Variants in ELK4 observed in about 807,000 individuals in gnomAD.
ELK4 encodes ETS transcription factor ELK4.
ELK4 carries 16 observed loss-of-function variants against 29.6 expected under a neutral mutation model. That is an observed-to-expected ratio of 0.54 (90% CI 0.37 to 0.82). ELK4 has a LOEUF of 0.82. Ranked by LOEUF, ELK4 falls within the 40% of genes least tolerant of loss-of-function variation. ELK4 has a pLI of 0.00. For missense variants in ELK4, 465 were observed against 507.1 expected (o/e 0.92, Z 0.80); for synonymous variants, 213 against 191.1 (o/e 1.11, Z -0.95).
Position 205,611,418 on chromosome 1 carries a change from C to G in ELK4, c.*5128G>C, listed in dbSNP as rs1575118831. ...AAGATTAAACTTCAACTTCAGTAAG[C>G]AGAGTTCTGATGACATAAGAGGAAT... On this transcript the variant is annotated 3_prime_UTR_variant, in exon 5 of 5. Coordinates refer to ENST00000357992, the MANE Select transcript of ELK4 (RefSeq NM_001973.4). The G allele has an allele frequency of 4.8e-6, 1 of 210,440 alleles. No homozygotes were observed. The highest frequency in any genetic ancestry group is 9.6e-6 in the Non-Finnish European group (1 of 103,694). The allele number at this position is 210,440 out of a possible 1,614,324, so 13.0% of individuals were successfully genotyped here. A position where few individuals can be genotyped will look rare whatever the true frequency, so the allele number is the denominator to read the frequency against.
In ELK4 at chr1:205,623,904, AG is replaced by A; in HGVS notation, c.-9-14del. On this transcript the variant is annotated splice_polypyrimidine_tract_variant and intron_variant, in intron 1 of 4. Coordinates refer to ENST00000357992, the MANE Select transcript of ELK4 (RefSeq NM_001973.4). ...CCATAGCAATGAGCTGAAAGAATAT[AG>A]ATAAGATATGTGATAATATTAACAG... 1 of 1,611,288 alleles carries A rather than the reference AG, an allele frequency of 6.2e-7. No homozygotes were observed. The highest frequency in any genetic ancestry group is 8.5e-7 in the Non-Finnish European group (1 of 1,177,572).
At chr1:205,630,467 C>CA (rs1418235004) in intron 1 of ELK4, among the ~76,000 whole-genome samples, 4 of 152,176 alleles carry the variant, frequency 2.6e-5, no homozygotes, top group Non-Finnish European at 5.9e-5. Context: ...CCCAAAAAAA[C>CA]ACAAAGTCTC....
At chr1:205,624,655 G>C (rs1670417686) in intron 1 of ELK4, among the ~76,000 whole-genome samples, 2 of 152,250 alleles carry the variant, frequency 1.3e-5, no homozygotes, top group African/African-American at 4.8e-5. Flanking sequence ...GTTTAGGCCA[G>C]AGTTTCTCAA....
At chr1:205,628,131 C>A (rs1348268345) in intron 1 of ELK4, among the ~76,000 whole-genome samples, 1 of 152,184 alleles carries the variant, frequency 6.6e-6, no homozygotes, top group African/African-American at 2.4e-5. Context: ...TAACCATGCC[C>A]GCTAGAAATC....
rs1357651501 is a variant in ELK4, at chr1:205,608,830, A to C, written c.*7716T>G. 5.1e-6 allele frequency: 1 copy of C among 196,778 alleles called. No individual in the cohort carries two copies. Among genetic ancestry groups the C allele is most frequent in the African/African-American group, 2.3e-5 (1 of 43,372 alleles). 12.2% of individuals were successfully genotyped at this position (196,778 alleles called of 1,614,324 possible). A position where few individuals can be genotyped will look rare whatever the true frequency, so the allele number is the denominator to read the frequency against. ...CAGTTGAGCTGACAGGTTTGAAGAAAGCACTCTTGACATGTTCTTACTACC... is the reference window on the plus strand; with the variant it reads ...CAGTTGAGCTGACAGGTTTGAAGAACGCACTCTTGACATGTTCTTACTACC... On this transcript the variant is annotated 3_prime_UTR_variant, in exon 5 of 5. Coordinates refer to ENST00000357992, the MANE Select transcript of ELK4 (RefSeq NM_001973.4).
rs1202241274 is a variant in ELK4, at chr1:205,608,019, T to A, written c.*8527A>T. The A allele has an allele frequency of 1.7e-5, 3 of 179,190 alleles. No homozygotes were observed. The highest frequency in any genetic ancestry group is 7.1e-5 in the African/African-American group (3 of 42,360). 11.1% of individuals were successfully genotyped at this position (179,190 alleles called of 1,614,324 possible). A position where few individuals can be genotyped will look rare whatever the true frequency, so the allele number is the denominator to read the frequency against. The stretch of plus-strand genomic sequence containing the variant: ...AGTTGCACATATATCTATTAACATA[T>A]ATGTATACTTTTAGACTTGTAGTAA... On this transcript the variant is annotated 3_prime_UTR_variant, in exon 5 of 5. Coordinates refer to ENST00000357992, the MANE Select transcript of ELK4 (RefSeq NM_001973.4).
Position 205,623,664 on chromosome 1 carries a change from G to C in ELK4, c.207+12C>G. Reference sequence around the variant, plus strand: ...GGTTCTCTGTATAGTATAAGATCAGGATGTGTACTACCTTTACATAATAGT... The same window carrying C: ...GGTTCTCTGTATAGTATAAGATCAGCATGTGTACTACCTTTACATAATAGT... On this transcript the variant is annotated intron_variant, in intron 2 of 4. Transcript: ENST00000357992. The C allele has an allele frequency of 1.9e-6, 3 of 1,613,164 alleles. No individual in the cohort carries two copies. The highest frequency in any genetic ancestry group is 1.3e-5 in the African/African-American group (1 of 74,996).
intron 1 of ELK4, among the ~76,000 whole-genome samples, chr1:205,627,239 G>A (rs1670483700): frequency 6.6e-6 from 1 of 152,252 alleles, no homozygotes; most frequent in African/African-American, 2.4e-5. Context: ...GCAGGGCGCA[G>A]TGGCTCACGC....
At chr1:205,626,641 A>G (rs1453239418) in intron 1 of ELK4, among the ~76,000 whole-genome samples, 1 of 152,228 alleles carries the variant, frequency 6.6e-6, no homozygotes, top group Admixed American at 6.5e-5. Context: ...AAACCACTTC[A>G]TGCCTACTTG....
Position 205,613,789 on chromosome 1 carries a change from T to G in ELK4, c.*2757A>C. On this transcript the variant is annotated 3_prime_UTR_variant, in exon 5 of 5. Transcript: ENST00000357992. ...AGATGTCTCAAAACCCCATTCAATC[T>G]GCTCCCCTTCCGTAACTTAGGCTAC... 5.4e-6 allele frequency: 1 copy of G among 184,884 alleles called. No individual in the cohort carries two copies. The allele number at this position is 184,884 out of a possible 1,614,324, so 11.5% of individuals were successfully genotyped here. A position where few individuals can be genotyped will look rare whatever the true frequency, so the allele number is the denominator to read the frequency against.
rs955420352 is a variant in ELK4 at position 205,620,271 on chromosome 1, G to T, written c.775C>A (p.Pro259Thr). ...FATTPPISSI[P>T]PLQEPPRTPS... Reference sequence around the variant, plus strand: ...GTTCTGGGAGGTTCCTGCAAAGGGGGTATGGACGAAATGGGTGGTGTGGTG... The same window carrying T: ...GTTCTGGGAGGTTCCTGCAAAGGGGTTATGGACGAAATGGGTGGTGTGGTG... The change falls in exon 3 of 5, where the codon CCC becomes ACC. Residue 259 changes from proline to threonine, a missense_variant. This residue lies in a region of ELK4 where 385 missense variants were observed against 387.5 expected (regional missense o/e 0.99). Coordinates refer to ENST00000357992, the MANE Select transcript of ELK4 (RefSeq NM_001973.4). 4 of 1,614,100 alleles carry T rather than the reference G, an allele frequency of 2.5e-6. No homozygotes were observed. The highest frequency in any genetic ancestry group is 3.4e-6 in the Non-Finnish European group (4 of 1,180,048).
intron 1 of ELK4, among the ~76,000 whole-genome samples, chr1:205,628,683 A>G (rs1670511944): frequency 2.0e-5 from 3 of 152,328 alleles, no homozygotes; most frequent in Admixed American, 6.5e-5. Context: ...ACTCCCCAAA[A>G]TAACAGGTGT....
rs1481767024 is a variant in ELK4, at chr1:205,610,411, T to G, written c.*6135A>C. 4.3e-6 allele frequency: 1 copy of G among 230,656 alleles called. No individual in the cohort carries two copies. Among genetic ancestry groups the G allele is most frequent in the East Asian group, 6.2e-5 (1 of 16,188 alleles). The allele number at this position is 230,656 out of a possible 1,614,324, so 14.3% of individuals were successfully genotyped here. On this transcript the variant is annotated 3_prime_UTR_variant, in exon 5 of 5. Transcript: ENST00000357992. Reference sequence around the variant, plus strand: ...ACTGTATTCAATCCATGGTCGAATCTCTGTACTTTAGAAATACTGCTTCCA... The same window carrying G: ...ACTGTATTCAATCCATGGTCGAATCGCTGTACTTTAGAAATACTGCTTCCA...
Position 205,610,569 on chromosome 1 carries a change from A to C in ELK4, c.*5977T>G, listed in dbSNP as rs1300985863. The C allele has an allele frequency of 4.3e-6, 1 of 230,006 alleles. No homozygotes were observed. Among genetic ancestry groups the C allele is most frequent in the Non-Finnish European group, 8.6e-6 (1 of 116,086 alleles). 14.2% of individuals were successfully genotyped at this position (230,006 alleles called of 1,614,324 possible). ...CATGAACCTAAGAGAACAGTTTACT[A>C]TGACTTTGTTTAGAGTATGTCACAT... On this transcript the variant is annotated 3_prime_UTR_variant, in exon 5 of 5. Transcript: ENST00000357992.
At position 205,619,089 on chromosome 1, in the gene ELK4, C is replaced by T; in HGVS notation, c.1081-16G>A. The T allele has an allele frequency of 6.7e-7, 1 of 1,501,278 alleles. No homozygotes were observed. Among genetic ancestry groups the T allele is most frequent in the East Asian group, 2.4e-5 (1 of 41,476 alleles). 93.0% of individuals were successfully genotyped at this position (1,501,278 alleles called of 1,614,324 possible). On this transcript the variant is annotated splice_polypyrimidine_tract_variant and intron_variant, in intron 3 of 4. Coordinates refer to ENST00000357992, the MANE Select transcript of ELK4 (RefSeq NM_001973.4). ...TGATGGGTGTCTGCAATACACAAAG[C>T]AAAAATATTCACTGACTGACTTACC...
intron 1 of ELK4, among the ~76,000 whole-genome samples, chr1:205,627,047 A>C (rs1670479657): frequency 6.6e-6 from 1 of 152,262 alleles, no homozygotes; most frequent in Non-Finnish European, 1.5e-5. Flanking sequence ...GCCAGTCCAC[A>C]AAAGACCACA....
rs1670167148 is a variant in ELK4 at position 205,612,513 on chromosome 1, G to T, written c.*4033C>A. On this transcript the variant is annotated 3_prime_UTR_variant, in exon 5 of 5. Coordinates refer to ENST00000357992, the MANE Select transcript of ELK4 (RefSeq NM_001973.4). ...CCCATATGAATTTTTAATAGGGAAA[G>T]TTTTTATGTTCAATAACTCTTACTG... 4.7e-6 allele frequency: 1 copy of T among 213,692 alleles called. No homozygotes were observed. The highest frequency in any genetic ancestry group is 9.4e-6 in the Non-Finnish European group (1 of 105,866). 13.2% of individuals were successfully genotyped at this position (213,692 alleles called of 1,614,324 possible). A position where few individuals can be genotyped will look rare whatever the true frequency, so the allele number is the denominator to read the frequency against.
At position 205,612,387 on chromosome 1, in the gene ELK4, A is replaced by T. The variant is rs1670164446; in HGVS notation, c.*4159T>A. 1 of 218,588 alleles carries T rather than the reference A, an allele frequency of 4.6e-6. No individual in the cohort carries two copies. 13.5% of individuals were successfully genotyped at this position (218,588 alleles called of 1,614,324 possible). ...GTGGGAAGAAAATACTATAACTGCT[A>T]CTCAAGAATTACTTTTTATGCCATC... is the stretch of plus-strand genomic sequence containing the variant. On this transcript the variant is annotated 3_prime_UTR_variant, in exon 5 of 5. Coordinates refer to ENST00000357992, the MANE Select transcript of ELK4 (RefSeq NM_001973.4).
At chr1:205,629,273 T>C (rs1280769588) in intron 1 of ELK4, among the ~76,000 whole-genome samples, 1 of 152,100 alleles carries the variant, frequency 6.6e-6, no homozygotes, top group East Asian at 1.9e-4. Context: ...ACATTTTCAC[T>C]GGGTACTTTA....
Sources: allele counts gnomAD v4.1 joint callset (sites outside exome capture counted in the v4.1 genomes callset), GRCh38; gene constraint gnomAD v4.1.1; regional missense constraint gnomAD v4.1.1; transcripts MANE v1.5; gene names NCBI Gene and HGNC (gene_info 2026-07-23, HGNC 2026-07-21).